CNTN5: variants seen among roughly 807,000 people sequenced by gnomAD.
CNTN5 encodes the protein contactin-5.
In CNTN5, 77 loss-of-function variants were observed where a neutral mutation model predicts 129.1. That is an observed-to-expected ratio of 0.60 (90% confidence interval 0.50 to 0.72). The LOEUF (loss-of-function observed/expected upper bound fraction) is 0.72. Ranked by LOEUF, CNTN5 falls within the 30% of genes least tolerant of loss-of-function variation. The pLI, the probability that CNTN5 is intolerant of heterozygous loss-of-function variation, is 0.00. For synonymous variants in CNTN5, 509 were observed against 465.6 expected (o/e 1.09, Z -1.20); for missense variants, 1,478 against 1,328.8 (o/e 1.11, Z -1.75).
intron 3 of CNTN5, among the ~76,000 whole-genome samples, chr11:99,794,132 C>T (rs1483734883): frequency 6.7e-6 from 1 of 148,662 alleles, no homozygotes; most frequent in Non-Finnish European, 1.5e-5. Context: ...ATAGATAGGT[C>T]TTTTTGTTGA....
chr11:100,188,217 G>A (rs1948363455), intron 13 of CNTN5, among the ~76,000 whole-genome samples: 1 of 152,092 alleles, frequency 6.6e-6, no homozygotes, highest in South Asian at 2.1e-4. Context: ...GCCACGGTGG[G>A]CAAATCACTT....
chr11:99,524,814 A>AC (rs1227826369), intron 2 of CNTN5, among the ~76,000 whole-genome samples: 1 of 151,314 alleles, frequency 6.6e-6, no homozygotes, highest in Non-Finnish European at 1.5e-5. Context: ...AAAAAAAACA[A>AC]AAAAAAAGTG....
At chr11:99,938,694 A>G (rs1169166519) in intron 7 of CNTN5, among the ~76,000 whole-genome samples, 1 of 152,142 alleles carries the variant, frequency 6.6e-6, no homozygotes, top group Non-Finnish European at 1.5e-5. Context: ...TAATCAATTT[A>G]GTAAATGCTT....
intron 3 of CNTN5, among the ~76,000 whole-genome samples, chr11:99,799,382 G>C (rs1050771421): frequency 2.0e-5 from 3 of 151,754 alleles, no homozygotes; most frequent in Non-Finnish European, 2.9e-5. Flanking sequence ...GTTAGCTGTA[G>C]GTTTGTCATA....
intron 2 of CNTN5, among the ~76,000 whole-genome samples, chr11:99,345,297 G>A (rs1276967712): frequency 6.6e-6 from 1 of 152,100 alleles, no homozygotes; most frequent in Non-Finnish European, 1.5e-5. Context: ...TGTTGTTGAG[G>A]GGGATATAAT....
At chr11:100,131,615 A>G (rs1023994245) in intron 13 of CNTN5, among the ~76,000 whole-genome samples, 1 of 152,010 alleles carries the variant, frequency 6.6e-6, no homozygotes. Flanking sequence ...ATGAAAAGGG[A>G]ACAAAGCCCA....
chr11:100,004,793 C>A (rs1161772491), intron 9 of CNTN5, among the ~76,000 whole-genome samples: 1 of 152,146 alleles, frequency 6.6e-6, no homozygotes, highest in Non-Finnish European at 1.5e-5. Context: ...AGGGATCAAC[C>A]AATGGGAGCT....
chr11:99,676,090 G>C (rs1379520796), intron 3 of CNTN5, among the ~76,000 whole-genome samples: 1 of 152,102 alleles, frequency 6.6e-6, no homozygotes, highest in Non-Finnish European at 1.5e-5. Context: ...GTAAAACTAT[G>C]AAGTGTCCAA....
At chr11:99,393,095 A>T (rs2136192016) in intron 2 of CNTN5, among the ~76,000 whole-genome samples, 1 of 151,996 alleles carries the variant, frequency 6.6e-6, no homozygotes, top group East Asian at 1.9e-4. Flanking sequence ...TTAAAATTCA[A>T]CAAAAGCCCC....
intron 9 of CNTN5, among the ~76,000 whole-genome samples, chr11:100,031,239 G>C (rs1941692605): frequency 6.6e-6 from 1 of 152,148 alleles, no homozygotes; most frequent in African/African-American, 2.4e-5. Flanking sequence ...AAGATGAAAT[G>C]CTCCTGATTA....
intron 2 of CNTN5, among the ~76,000 whole-genome samples, chr11:99,554,085 G>A (rs374852683): frequency 6.6e-6 from 1 of 151,724 alleles, no homozygotes; most frequent in South Asian, 2.1e-4. Flanking sequence ...ATTTATATTT[G>A]AGAGTAGGAA....
intron 3 of CNTN5, among the ~76,000 whole-genome samples, chr11:99,770,336 CTTG>C (rs1944902417): frequency 6.6e-6 from 1 of 152,022 alleles, no homozygotes; most frequent in South Asian, 2.1e-4. Flanking sequence ...TTCCTTTCAA[CTTG>C]TTAACACATC....
chr11:100,108,691 G>A (rs1241071238), intron 13 of CNTN5, among the ~76,000 whole-genome samples: 1 of 151,770 alleles, frequency 6.6e-6, no homozygotes, highest in Non-Finnish European at 1.5e-5. Context: ...ATAATATCAT[G>A]TATTATTCTT....
intron 3 of CNTN5, among the ~76,000 whole-genome samples, chr11:99,735,304 T>C (rs973622198): frequency 3.9e-5 from 6 of 152,218 alleles, no homozygotes; most frequent in African/African-American, 1.4e-4. Flanking sequence ...CCAGTTGTCT[T>C]GAGTTTAACT....
chr11:99,465,926 G>T (rs1335867650), intron 2 of CNTN5, among the ~76,000 whole-genome samples: 1 of 136,530 alleles, frequency 7.3e-6, no homozygotes, highest in Non-Finnish European at 1.5e-5. Flanking sequence ...CTGTCGCCCA[G>T]GCTGGAGTGC....
chr11:99,587,276 C>G (rs753860707), intron 3 of CNTN5, among the ~76,000 whole-genome samples: 7 of 152,254 alleles, frequency 4.6e-5, no homozygotes, highest in Admixed American at 2.6e-4. Flanking sequence ...AACATGGAAA[C>G]AAAGCTCTAT....
At chr11:99,161,030 G>A (rs1030364266) in intron 1 of CNTN5, among the ~76,000 whole-genome samples, 5 of 152,152 alleles carry the variant, frequency 3.3e-5, no homozygotes, top group African/African-American at 1.2e-4. Context: ...GAAAGTTTGT[G>A]ACAGAAACTG....
intron 13 of CNTN5, among the ~76,000 whole-genome samples, chr11:100,146,580 G>T (rs888208055): frequency 6.6e-6 from 1 of 152,044 alleles, no homozygotes; most frequent in Non-Finnish European, 1.5e-5. Flanking sequence ...AATGAAATAA[G>T]TATTATGTCA....
chr11:99,269,718 T>C (rs1280681349), intron 1 of CNTN5, among the ~76,000 whole-genome samples: 6 of 151,830 alleles, frequency 4.0e-5, no homozygotes, highest in Non-Finnish European at 7.4e-5. Flanking sequence ...TATAAGATAA[T>C]TGAAAATATT....
Sources: allele counts gnomAD v4.1 joint callset (sites outside exome capture counted in the v4.1 genomes callset), GRCh38; gene constraint gnomAD v4.1.1; transcripts MANE v1.5; gene names NCBI Gene and HGNC (gene_info 2026-07-23, HGNC 2026-07-21).